TTC17: variants seen among roughly 807,000 people sequenced by gnomAD.
TTC17 encodes the protein tetratricopeptide repeat domain 17.
Under a neutral mutation model 143.8 loss-of-function variants are expected in TTC17, and 58 were observed. That is an observed-to-expected ratio of 0.40 (90% CI 0.33 to 0.50). The LOEUF (loss-of-function observed/expected upper bound fraction) is 0.50, where lower values mean the gene tolerates loss of function less well. TTC17 is among the 20% of genes least tolerant of loss of function. The probability of loss-of-function intolerance (pLI) is 0.49; values close to 1 mark genes in which losing one functional copy is unlikely to be tolerated. For missense variants in TTC17, 1,273 were observed against 1,392.5 expected, an observed-to-expected ratio of 0.91 and a Z score of 1.37; for synonymous variants, 501 against 497.8, an observed-to-expected ratio of 1.01 and a Z score of -0.09.
intron 16 of TTC17, among the ~76,000 whole-genome samples, chr11:43,420,147 C>T (rs1015665878): frequency 1.3e-5 from 2 of 152,120 alleles, no homozygotes; most frequent in Admixed American, 1.3e-4. Flanking sequence ...ATTTATGAAC[C>T]TACAAGCAAA....
At chr11:43,442,868 TAAAC>T (rs1273131000) in intron 16 of TTC17, among the ~76,000 whole-genome samples, 1 of 152,198 alleles carries the variant, frequency 6.6e-6, no homozygotes, top group Non-Finnish European at 1.5e-5. Flanking sequence ...AGTTTTCCAT[TAAAC>T]AAATCATTTT....
Position 43,399,910 on chromosome 11 carries a change from G to C in TTC17, c.1081G>C (p.Glu361Gln). 1 of 1,612,306 alleles carries C rather than the reference G, an allele frequency of 6.2e-7. No individual in the cohort carries two copies. The highest frequency in any genetic ancestry group is 8.5e-7 in the Non-Finnish European group (1 of 1,179,372). Residue 361 changes from glutamate (E) to glutamine (Q), a missense_variant, in exon 9 of 24, where the codon GAG becomes CAG. By Grantham distance (29) the Glu-to-Gln change is conservative. This residue lies in a region of TTC17 where 325 missense variants were observed against 444.2 expected (regional missense o/e 0.73). Transcript: ENST00000039989. The part of the protein sequence containing the change: ...QHRSLQRTLN[E>Q]LKEYQKQHDH... ...AAGATCTCTCCAGCGAACACTGAAT[G>C]AGTTAAAAGAGTATCAAAAGCAGCA... is the stretch of plus-strand genomic sequence containing the variant.
intron 1 of TTC17, among the ~76,000 whole-genome samples, chr11:43,375,553 A>G (rs1466641614): frequency 6.6e-6 from 1 of 152,200 alleles, no homozygotes; most frequent in African/African-American, 2.4e-5. Flanking sequence ...TGAGAATGGC[A>G]TAATTTAAGA....
chr11:43,477,536 T>TGGC (rs1438920523), intron 21 of TTC17, among the ~76,000 whole-genome samples: 1 of 152,146 alleles, frequency 6.6e-6, no homozygotes, highest in Admixed American at 6.5e-5. Context: ...TACATGGTGG[T>TGGC]GGCAAGAGAA....
chr11:43,386,697 A>T (rs980776811), intron 2 of TTC17, among the ~76,000 whole-genome samples: 2 of 152,248 alleles, frequency 1.3e-5, no homozygotes, highest in Admixed American at 1.3e-4. Flanking sequence ...GATACTTGCC[A>T]TGCATATAAC....
At chr11:43,359,246 C>A in intron 1 of TTC17, 133 bp downstream of exon 1, 1 of 1,131,140 alleles carries the variant, frequency 8.8e-7, no homozygotes, top group Non-Finnish European at 1.2e-6. Context: ...GCACCGCGAC[C>A]TCGGACTCCC....
intron 4 of TTC17, 106 bp downstream of exon 4, chr11:43,391,682 C>G (rs1346816715): frequency 3.9e-6 from 5 of 1,297,756 alleles, no homozygotes; most frequent in Admixed American, 5.3e-5. Context: ...TTCCTGACAG[C>G]TTTGTAATTT....
At chr11:43,490,027 C>T in intron 21 of TTC17, 1 of 435,740 alleles carries the variant, frequency 2.3e-6, no homozygotes, top group Non-Finnish European at 3.7e-6. Context: ...ATAGTTTTCT[C>T]ATTTATAGAA....
chr11:43,384,024 A>T (rs1857075514), intron 2 of TTC17, among the ~76,000 whole-genome samples: 1 of 152,052 alleles, frequency 6.6e-6, no homozygotes. Flanking sequence ...AGGCACCTGT[A>T]GTTCTAGCTA....
chr11:43,418,403 A>T (rs1035126405), intron 16 of TTC17, among the ~76,000 whole-genome samples: 2 of 152,268 alleles, frequency 1.3e-5, no homozygotes, highest in Admixed American at 1.3e-4. Flanking sequence ...ATTGACTGTA[A>T]AAGTTAGTGC....
Position 43,405,836 on chromosome 11 carries a change from C to G in TTC17, c.1646C>G (p.Thr549Ser). The change falls in exon 13 of 24, where the codon ACC becomes AGC. Residue 549 changes from threonine to serine, a missense_variant. Thr to Ser is a moderately conservative substitution (Grantham distance 58). Transcript: ENST00000039989. ...DDYSTEEEAQTPDCSITDFRK... is the reference protein window; with the variant it reads ...DDYSTEEEAQSPDCSITDFRK... ...TATTCTACAGAAGAAGAGGCCCAAACCCCTGACTGTTCCATAACTGACTTC... is the reference window on the plus strand; with the variant it reads ...TATTCTACAGAAGAAGAGGCCCAAAGCCCTGACTGTTCCATAACTGACTTC... 6.2e-7 allele frequency: 1 copy of G among 1,614,028 alleles called. No individual in the cohort carries two copies.
At chr11:43,383,881 T>C (rs1857069872) in intron 2 of TTC17, among the ~76,000 whole-genome samples, 1 of 151,924 alleles carries the variant, frequency 6.6e-6, no homozygotes, top group African/African-American at 2.4e-5. Flanking sequence ...ATAATAGACA[T>C]GCAGGCCAGG....
chr11:43,427,856 C>G (rs1157764201), intron 16 of TTC17, among the ~76,000 whole-genome samples: 1 of 152,102 alleles, frequency 6.6e-6, no homozygotes, highest in African/African-American at 2.4e-5. Context: ...CAACATTTAG[C>G]ACATAGAATA....
At chr11:43,380,503 C>T (rs1041282107) in intron 2 of TTC17, among the ~76,000 whole-genome samples, 1 of 152,048 alleles carries the variant, frequency 6.6e-6, no homozygotes, top group African/African-American at 2.4e-5. Flanking sequence ...GATCTGCCCA[C>T]CTCGGCCTCC....
At chr11:43,388,591 C>A in intron 2 of TTC17, among the ~76,000 whole-genome samples, 1 of 150,580 alleles carries the variant, frequency 6.6e-6, no homozygotes, top group Admixed American at 6.6e-5. Flanking sequence ...GTAGTCCCAA[C>A]ACTTTGGGAG....
At chr11:43,468,317 G>A (rs896590254) in intron 21 of TTC17, 5 of 152,152 alleles carry the variant, frequency 3.3e-5, no homozygotes, top group Non-Finnish European at 7.4e-5. Context: ...ATAGAACAGT[G>A]GAACAAAAGA....
At chr11:43,451,424 G>A (rs1326600255) in intron 21 of TTC17, among the ~76,000 whole-genome samples, 159 bp downstream of exon 21, 1 of 152,132 alleles carries the variant, frequency 6.6e-6, no homozygotes, top group Non-Finnish European at 1.5e-5. Flanking sequence ...TGTTTCAGTC[G>A]CTTTTTCTAT....
intron 11 of TTC17, 91 bp downstream of exon 11, chr11:43,404,235 CTA>C: frequency 7.9e-7 from 1 of 1,266,174 alleles, no homozygotes; most frequent in South Asian, 1.6e-5. Context: ...AATATGGCCT[CTA>C]TGACTGTTCA....
intron 18 of TTC17, chr11:43,445,986 A>C: frequency 6.5e-7 from 1 of 1,528,830 alleles, no homozygotes; most frequent in Non-Finnish European, 8.8e-7. Flanking sequence ...ACTGGATTTC[A>C]GCAAGGCATT....
Sources: gnomAD v4.1 joint callset for allele counts (sites outside exome capture counted in the v4.1 genomes callset) on GRCh38, gnomAD v4.1.1 for gene constraint, gnomAD v4.1.1 regional missense constraint, MANE v1.5 for transcripts, NCBI Gene and HGNC (gene_info 2026-07-23, HGNC 2026-07-21) for gene names.